Variants in TGFBRAP1 observed in about 807,000 individuals in gnomAD.
TGFBRAP1 encodes transforming growth factor beta receptor associated protein 1.
Under a neutral mutation model 83.2 loss-of-function variants are expected in TGFBRAP1, and 20 were observed. The ratio of observed to expected loss-of-function variants is 0.24; its 90% CI spans 0.17 to 0.35. The LOEUF (loss-of-function observed/expected upper bound fraction) is 0.35, where lower values mean the gene tolerates loss of function less well. TGFBRAP1 is among the 10% of genes least tolerant of loss of function. TGFBRAP1 has a pLI of 1.00. For missense variants in TGFBRAP1, 950 were observed against 1,099.4 expected (o/e 0.86, Z 1.92); for synonymous variants, 415 against 459.8 (o/e 0.90, Z 1.25).
chr2:105,306,799 A>G (rs2104391531), intron 2 of TGFBRAP1, among the ~76,000 whole-genome samples: 1 of 152,254 alleles, frequency 6.6e-6, no homozygotes, highest in Admixed American at 6.5e-5. Flanking sequence ...ACTCTGTCTC[A>G]AAACAAAACA....
At chr2:105,270,253 T>G (rs760443165) in intron 10 of TGFBRAP1, among the ~76,000 whole-genome samples, 1 of 152,180 alleles carries the variant, frequency 6.6e-6, no homozygotes, top group Non-Finnish European at 1.5e-5. Flanking sequence ...AGGTTGCCAA[T>G]AATAGGATTT....
At chr2:105,302,625 A>G (rs1196078446) in intron 2 of TGFBRAP1, among the ~76,000 whole-genome samples, 1 of 152,210 alleles carries the variant, frequency 6.6e-6, no homozygotes, top group Non-Finnish European at 1.5e-5. Flanking sequence ...TGTATTTTAA[A>G]ATGAAAGAAT....
At chr2:105,314,747 G>A (rs1355784552) in intron 1 of TGFBRAP1, among the ~76,000 whole-genome samples, 13 of 151,464 alleles carry the variant, frequency 8.6e-5, no homozygotes, top group Admixed American at 5.2e-4. Flanking sequence ...TCAGGAGTTC[G>A]AGACCAGTCT....
At chr2:105,272,196 C>T (rs552093626) in intron 10 of TGFBRAP1, among the ~76,000 whole-genome samples, 1 of 152,212 alleles carries the variant, frequency 6.6e-6, no homozygotes, top group African/African-American at 2.4e-5. Context: ...CACCATGCTG[C>T]GCTGTGGAAC....
At chr2:105,284,912 CACTCCTGCAAT>C (rs1677663569) in intron 4 of TGFBRAP1, among the ~76,000 whole-genome samples, 1 of 152,228 alleles carries the variant, frequency 6.6e-6, no homozygotes. Flanking sequence ...CAACATCCGA[CACTCCTGCAAT>C]AAAGGGGCCA....
chr2:105,267,383 T>G lies in TGFBRAP1; in HGVS notation c.2583A>C (p.Ter861CysextTer15). 16 of 1,614,130 alleles carry G rather than the reference T, an allele frequency of 9.9e-6. No homozygotes were observed. The highest frequency in any genetic ancestry group is 1.4e-5 in the Non-Finnish European group (16 of 1,180,016). Reference sequence around the variant, plus strand: ...CCCTCGCACCCTTGGGCCAAGCTTTTCAAGTCCGAGTGCCAGGACTGGATG... The same window carrying G: ...CCCTCGCACCCTTGGGCCAAGCTTTGCAAGTCCGAGTGCCAGGACTGGATG... Reference protein sequence around the residue: ...PSSSSPGTRT* With the variant: ...PSSSSPGTRTC The change falls in exon 12 of 12, where the codon TGA (stop) becomes TGC (cysteine). Residue 861 changes from the stop codon to cysteine (C), a stop_lost. Transcript: ENST00000393359.
rs767234048 is a variant in TGFBRAP1, at chr2:105,307,911, C to T, written c.391G>A (p.Gly131Arg). Residue 131 changes from glycine (G) to arginine (R), a missense_variant, in exon 2 of 12, where the codon GGG becomes AGG. Physicochemically the swap from Gly to Arg is moderately radical, Grantham distance 125. Coordinates refer to ENST00000393359, the MANE Select transcript of TGFBRAP1 (RefSeq NM_004257.6). ...CAAACTTCTACACAGAAGGGGTCCC[C>T]ACTCACAGGGTTCTCGTTCAGTGCA... ...TFALNENPVS[G>R]DPFCVEVCII... is the part of the protein sequence containing the mutation. 1 of 1,614,104 alleles carries T rather than the reference C, an allele frequency of 6.2e-7. No individual in the cohort carries two copies. The highest frequency in any genetic ancestry group is 1.3e-5 in the African/African-American group (1 of 74,928).
intron 2 of TGFBRAP1, among the ~76,000 whole-genome samples, chr2:105,300,519 C>T (rs928292328): frequency 7.3e-5 from 11 of 150,638 alleles, no homozygotes; most frequent in African/African-American, 2.7e-4. Context: ...TCACTGCAAC[C>T]TCTGCCTCCC....
rs1679206398 is a variant in TGFBRAP1, at chr2:105,325,658, G to GC, written c.-18+3966dup. Among the ~76,000 whole-genome samples, 7 of 152,148 alleles carry GC rather than the reference G, an allele frequency of 4.6e-5. No homozygotes were observed. In the South Asian group the frequency reaches 1.5e-3, roughly 32 times the overall value. ...GTGAGTCTAGAAGAGGAATCCTGTG[G>GC]CTCTATCTGCTTGCTGAAATTCAGA... On this transcript the variant is annotated intron_variant, in intron 1 of 11. Transcript: ENST00000393359.
downstream of TGFBRAP1, among the ~76,000 whole-genome samples, chr2:105,262,650 C>G (rs1676815949): frequency 1.3e-5 from 2 of 152,206 alleles, no homozygotes; most frequent in Admixed American, 6.5e-5. Context: ...GAAGCCCACG[C>G]TCCCGACACC....
intron 11 of TGFBRAP1, chr2:105,267,778 T>G (rs1676996191): frequency 1.0e-6 from 1 of 985,352 alleles, no homozygotes; most frequent in South Asian, 4.7e-5. Flanking sequence ...GCTTTTCTTA[T>G]TTCACAAAAG....
Position 105,267,350 on chromosome 2 carries a change from C to T in TGFBRAP1, c.*33G>A, listed in dbSNP as rs911402854. On this transcript the variant is annotated 3_prime_UTR_variant, in exon 12 of 12. Transcript: ENST00000393359. ...ATGTCCAGCAGGCTCAGAAAGAACT[C>T]GGAGTTCCCCTCGCACCCTTGGGCC... 3.7e-6 allele frequency: 6 copies of T among 1,609,638 alleles called. No individual in the cohort carries two copies. The highest frequency in any genetic ancestry group is 2.2e-5 in the South Asian group (2 of 90,812).
Position 105,298,629 on chromosome 2 carries a change from C to T in TGFBRAP1, c.765G>A (p.Val255=), listed in dbSNP as rs781029579. Residue 255 remains valine (V), a synonymous_variant, in exon 3 of 12, where the codon GTG becomes GTA. Coordinates refer to ENST00000393359, the MANE Select transcript of TGFBRAP1 (RefSeq NM_004257.6). The part of the protein sequence containing the change: ...HWSENVIGAA[V]SFPYVIALDD... ...CGAGCGCTATGACGTATGGAAAGGA[C>T]ACAGCCGCCCCAATCACATTCTCCG... is the stretch of plus-strand genomic sequence containing the variant. The T allele has an allele frequency of 2.7e-5, 44 of 1,614,046 alleles. No individual in the cohort carries two copies. The highest frequency in any genetic ancestry group is 3.6e-5 in the Non-Finnish European group (42 of 1,179,964).
At chr2:105,300,434 C>CTTTTTTTTT (rs769660664) in intron 2 of TGFBRAP1, among the ~76,000 whole-genome samples, 1 of 119,028 alleles carries the variant, frequency 8.4e-6, no homozygotes, top group Non-Finnish European at 1.7e-5. Context: ...GGAGTAAAAT[C>CTTTTTTTTT]TTTTTTTTTT....
chr2:105,262,896 T>C (rs1362204727), downstream of TGFBRAP1, among the ~76,000 whole-genome samples: 3 of 152,212 alleles, frequency 2.0e-5, no homozygotes, highest in Non-Finnish European at 2.9e-5. Flanking sequence ...AGTTAGCTGT[T>C]TTGAGAAGGT....
intron 11 of TGFBRAP1, chr2:105,267,899 T>A: frequency 1.0e-6 from 1 of 984,596 alleles, no homozygotes; most frequent in Non-Finnish European, 1.2e-6. Flanking sequence ...ATGTTAATGC[T>A]GAATGAGACC....
chr2:105,291,282 A>T (rs1677903816), intron 4 of TGFBRAP1, among the ~76,000 whole-genome samples: 1 of 152,168 alleles, frequency 6.6e-6, no homozygotes, highest in Non-Finnish European at 1.5e-5. Context: ...GACAACCATC[A>T]TGAATCAGGA....
At chr2:105,294,538 C>A (rs901561768) in intron 4 of TGFBRAP1, among the ~76,000 whole-genome samples, 1 of 152,158 alleles carries the variant, frequency 6.6e-6, no homozygotes, top group East Asian at 1.9e-4. Context: ...CAAAAGTGAG[C>A]ATGGTCTGAA....
At chr2:105,286,590 A>C (rs950008079) in intron 4 of TGFBRAP1, among the ~76,000 whole-genome samples, 2 of 152,216 alleles carry the variant, frequency 1.3e-5, no homozygotes, top group Non-Finnish European at 2.9e-5. Flanking sequence ...CTCATCCTTC[A>C]TTATAAGGCA....
Sources: allele counts gnomAD v4.1 joint callset (sites outside exome capture counted in the v4.1 genomes callset), GRCh38; gene constraint gnomAD v4.1.1; transcripts MANE v1.5; gene names NCBI Gene and HGNC (gene_info 2026-07-23, HGNC 2026-07-21).